The following RPGRIP1L variants were observed in gnomAD, a reference collection of about 807,000 sequenced individuals.
RPGRIP1L encodes RPGRIP1 like, also known as protein fantom.
In RPGRIP1L, 131 loss-of-function variants were observed where a neutral mutation model predicts 160.4. The observed-to-expected ratio is 0.82, with a 90% CI of 0.71 to 0.94. RPGRIP1L has a LOEUF of 0.94. Among genes scored for constraint, RPGRIP1L ranks in the 40% least tolerant of loss-of-function variants. The pLI is 0.00. For missense variants in RPGRIP1L, 1,522 were observed against 1,535.8 expected (o/e 0.99, Z 0.15); for synonymous variants, 510 against 515.8 (o/e 0.99, Z 0.15).
At chr16:53,653,361 G>C in intron 14 of RPGRIP1L, 1 of 1,059,088 alleles carries the variant, frequency 9.4e-7, no homozygotes, top group Non-Finnish European at 1.1e-6. Context: ...CTCTCTTTCT[G>C]CTGCCTCCTT....
intron 26 of RPGRIP1L, among the ~76,000 whole-genome samples, chr16:53,603,674 ATGTGTGTGTGTG>A (rs3035223): frequency 4.7e-5 from 7 of 147,952 alleles, no homozygotes; most frequent in African/African-American, 1.5e-4. Flanking sequence ...TTGAACTTTA[ATGTGTGTGTGTG>A]TGTGTGTGTG....
intron 17 of RPGRIP1L, among the ~76,000 whole-genome samples, chr16:53,644,720 C>T (rs1966436591): frequency 6.6e-6 from 1 of 152,156 alleles, no homozygotes; most frequent in Admixed American, 6.6e-5. Context: ...ATATTATATA[C>T]AGCAAGACCA....
At chr16:53,688,307 T>C (rs1970156300) in intron 4 of RPGRIP1L, among the ~76,000 whole-genome samples, 1 of 152,058 alleles carries the variant, frequency 6.6e-6, no homozygotes, top group East Asian at 1.9e-4. Flanking sequence ...AAATAGGTTA[T>C]AAAAACCTGA....
Position 53,700,557 on chromosome 16 carries a change from T to G in RPGRIP1L, c.85+82A>C, listed in dbSNP as rs191848102. 615 of 1,089,364 alleles carry G rather than the reference T, an allele frequency of 5.6e-4. 4 individuals are homozygous for G. In the Admixed American group the frequency reaches 6.7e-3, roughly 12 times the overall value. 67.5% of individuals were successfully genotyped at this position (1,089,364 alleles called of 1,614,324 possible). On this transcript the variant is annotated intron_variant, in intron 2 of 26. Coordinates refer to ENST00000647211, the MANE Select transcript of RPGRIP1L (RefSeq NM_015272.5). ...ATATAGTTACTTAAATGGTTTGGTT[T>G]GTATGAGTATAAGAAATACTTTAAA...
chr16:53,675,158 G>A (rs914143117), intron 6 of RPGRIP1L, 36 bp from the exon 7 acceptor site: 8 of 1,428,452 alleles, frequency 5.6e-6, no homozygotes, highest in Non-Finnish European at 7.9e-6. Context: ...AGAGACAGAA[G>A]TAAAAAACGC....
chr16:53,696,336 A>T (rs758559784), intron 2 of RPGRIP1L, 41 bp from the exon 3 acceptor site: 1 of 1,603,110 alleles, frequency 6.2e-7, no homozygotes, highest in Admixed American at 1.7e-5. Context: ...GGTTACTTAA[A>T]ATAGTCTCTA....
intron 12 of RPGRIP1L, 92 bp from the exon 13 acceptor site, chr16:53,657,724 G>T: frequency 5.5e-6 from 4 of 728,946 alleles, no homozygotes; most frequent in Non-Finnish European, 6.7e-6. Flanking sequence ...ATAATTCATT[G>T]ATTGATCAAT....
chr16:53,649,468 C>A (rs1485512490), intron 15 of RPGRIP1L, among the ~76,000 whole-genome samples: 1 of 152,028 alleles, frequency 6.6e-6, no homozygotes, highest in Non-Finnish European at 1.5e-5. Flanking sequence ...TTTTTTTAAA[C>A]AAGTTGCACT....
chr16:53,605,644 C>G, intron 25 of RPGRIP1L, 30 bp from the exon 26 acceptor site: 2 of 1,612,638 alleles, frequency 1.2e-6, no homozygotes, highest in Non-Finnish European at 1.7e-6. Context: ...AGAAAGTCAC[C>G]ACCAAGTGAG....
chr16:53,625,412 G>C (rs929411353), intron 22 of RPGRIP1L, among the ~76,000 whole-genome samples: 38 of 145,904 alleles, frequency 2.6e-4, no homozygotes, highest in African/African-American at 9.5e-4. Context: ...CAGCCTGGCG[G>C]CCGCCCCGTC....
Position 53,603,402 on chromosome 16 carries a change from C to T in RPGRIP1L, c.3836-1214G>A, listed in dbSNP as rs563347957. 9.2e-5 allele frequency among the ~76,000 whole-genome samples: 14 copies of T among 152,286 alleles called. No individual in the cohort carries two copies. In the South Asian group the frequency reaches 2.3e-3, roughly 25 times the overall value. Reference sequence around the variant, plus strand: ...GGAGTGCAGTGGTGCAATCTGGGCTCGCTGAAACCTCTGCCTCCAAGGGTC... The same window carrying T: ...GGAGTGCAGTGGTGCAATCTGGGCTTGCTGAAACCTCTGCCTCCAAGGGTC... On this transcript the variant is annotated intron_variant, in intron 26 of 26. Coordinates refer to ENST00000647211, the MANE Select transcript of RPGRIP1L (RefSeq NM_015272.5).
intron 22 of RPGRIP1L, among the ~76,000 whole-genome samples, chr16:53,625,099 G>T (rs925614439): frequency 1.3e-5 from 2 of 152,152 alleles, no homozygotes; most frequent in Non-Finnish European, 2.9e-5. Flanking sequence ...GCAGTGGCGT[G>T]ATCTTGGCTC....
In RPGRIP1L at chr16:53,657,612, AT is replaced by A. The variant is rs760952407; in HGVS notation, c.1421del (p.Asn474MetfsTer7). 11 of 1,587,354 alleles carry A rather than the reference AT, an allele frequency of 6.9e-6. No individual in the cohort carries two copies. Among genetic ancestry groups the A allele is most frequent in the East Asian group, 2.2e-5 (1 of 44,610 alleles). ...LLIKAQKEQK[N>X]GDLSFLVKVD... ...CTTTCACTAAAAAGGAAAGGTCTCC[AT>A]TTTTTTGTTCTTTTTGAGCCTAAAA... On this transcript the variant is annotated frameshift_variant, in exon 13 of 27. Coordinates refer to ENST00000647211, the MANE Select transcript of RPGRIP1L (RefSeq NM_015272.5). LOFTEE classifies it high-confidence loss of function.
chr16:53,616,161 T>C (rs1449191931), intron 24 of RPGRIP1L, among the ~76,000 whole-genome samples: 1 of 152,154 alleles, frequency 6.6e-6, no homozygotes, highest in East Asian at 1.9e-4. Context: ...AAATTATCCA[T>C]TTGAATTAAA....
intron 22 of RPGRIP1L, among the ~76,000 whole-genome samples, chr16:53,631,624 C>T (rs767888500): frequency 6.6e-6 from 1 of 152,094 alleles, no homozygotes; most frequent in Non-Finnish European, 1.5e-5. Context: ...GGCTTTTAAT[C>T]AATGTATTAT....
intron 2 of RPGRIP1L, among the ~76,000 whole-genome samples, chr16:53,698,603 C>T (rs1341133091): frequency 3.5e-5 from 5 of 144,890 alleles, no homozygotes; most frequent in East Asian, 2.2e-4. Context: ...CGCCTCTGCC[C>T]GGCCGCCCCT....
chr16:53,684,175 G>T (rs570671491), intron 6 of RPGRIP1L, among the ~76,000 whole-genome samples: 1 of 152,308 alleles, frequency 6.6e-6, no homozygotes, highest in African/African-American at 2.4e-5. Flanking sequence ...CATTGTGGAA[G>T]TCAGTGTGGC....
intron 6 of RPGRIP1L, among the ~76,000 whole-genome samples, chr16:53,679,601 C>G (rs1969463339): frequency 7.3e-6 from 1 of 137,488 alleles, no homozygotes; most frequent in African/African-American, 2.5e-5. Flanking sequence ...TTCAGAAAGC[C>G]CAATAAGAAA....
chr16:53,673,219 G>A (rs1054775723), intron 7 of RPGRIP1L, among the ~76,000 whole-genome samples: 3 of 152,140 alleles, frequency 2.0e-5, no homozygotes, highest in Admixed American at 6.6e-5. Flanking sequence ...GTGACATGAG[G>A]AAGAAAATAC....
Sources: gnomAD v4.1 joint callset for allele counts (sites outside exome capture counted in the v4.1 genomes callset) on GRCh38, gnomAD v4.1.1 for gene constraint, MANE v1.5 for transcripts, NCBI Gene and HGNC (gene_info 2026-07-23, HGNC 2026-07-21) for gene names.